Variants in MTSS1 observed in about 807,000 individuals in gnomAD.
MTSS1 encodes MTSS I-BAR domain containing 1.
MTSS1 carries 18 observed loss-of-function variants against 79.0 expected under a neutral mutation model. The ratio of observed to expected loss-of-function variants is 0.23; its 90% CI spans 0.16 to 0.34. The LOEUF (loss-of-function observed/expected upper bound fraction) is 0.34. Ranked by LOEUF, MTSS1 falls within the 10% of genes least tolerant of loss-of-function variation. The pLI is 1.00. For synonymous variants in MTSS1, 341 were observed against 368.6 expected (o/e 0.93, Z 0.86); for missense variants, 815 against 986.2 (o/e 0.83, Z 2.33).
At chr8:124,708,082 C>T (rs578232631) in intron 1 of MTSS1, among the ~76,000 whole-genome samples, 3 of 152,234 alleles carry the variant, frequency 2.0e-5, no homozygotes, top group Non-Finnish European at 4.4e-5. Context: ...TTACCAATAC[C>T]ATCAATTATT....
At chr8:124,680,428 G>T (rs760228439) in intron 3 of MTSS1, among the ~76,000 whole-genome samples, 3 of 152,210 alleles carry the variant, frequency 2.0e-5, no homozygotes, top group African/African-American at 7.2e-5. Flanking sequence ...GCTAACAGTG[G>T]CTAAGAAGGA....
intron 3 of MTSS1, among the ~76,000 whole-genome samples, chr8:124,645,780 A>C (rs1818897706): frequency 1.3e-5 from 2 of 152,208 alleles, no homozygotes; most frequent in Non-Finnish European, 2.9e-5. Flanking sequence ...TGAGTACTCT[A>C]AGCTGTTAAT....
At chr8:124,693,724 C>T (rs887006036) in intron 3 of MTSS1, among the ~76,000 whole-genome samples, 2 of 152,210 alleles carry the variant, frequency 1.3e-5, no homozygotes, top group Non-Finnish European at 2.9e-5. Context: ...GTAATTTTCC[C>T]TTTTCTCTTC....
chr8:124,558,137 C>A, intron 10 of MTSS1: 2 of 404,076 alleles, frequency 4.9e-6, no homozygotes, highest in Non-Finnish European at 8.8e-6. Flanking sequence ...TTGATCAGTG[C>A]CCTCAATTTG....
chr8:124,651,340 C>A (rs1819922761), intron 3 of MTSS1, among the ~76,000 whole-genome samples: 1 of 152,096 alleles, frequency 6.6e-6, no homozygotes, highest in Non-Finnish European at 1.5e-5. Flanking sequence ...TTGAGCGTGA[C>A]ATGCCGTGTG....
intron 6 of MTSS1, among the ~76,000 whole-genome samples, chr8:124,579,172 T>C (rs1829561896): frequency 6.6e-6 from 1 of 152,212 alleles, no homozygotes; most frequent in Non-Finnish European, 1.5e-5. Flanking sequence ...AATAAAATGC[T>C]CTATTTACTC....
chr8:124,591,732 T>C (rs1831916091), intron 3 of MTSS1, among the ~76,000 whole-genome samples: 1 of 152,204 alleles, frequency 6.6e-6, no homozygotes, highest in Admixed American at 6.5e-5. Context: ...ACAAATGTTC[T>C]AGAATACAAG....
intron 3 of MTSS1, among the ~76,000 whole-genome samples, chr8:124,611,119 A>G (rs1053593349): frequency 1.7e-4 from 15 of 88,054 alleles, no homozygotes; most frequent in African/African-American, 8.0e-4. Flanking sequence ...CCCCCCCCCC[A>G]GCATGTGACT....
chr8:124,625,682 C>G (rs945678504), intron 3 of MTSS1, among the ~76,000 whole-genome samples: 1 of 152,208 alleles, frequency 6.6e-6, no homozygotes, highest in Non-Finnish European at 1.5e-5. Context: ...AAAACTGCAG[C>G]TTTGAGAATT....
At chr8:124,584,581 G>C (rs1362869617) in intron 6 of MTSS1, among the ~76,000 whole-genome samples, 1 of 152,158 alleles carries the variant, frequency 6.6e-6, no homozygotes, top group Non-Finnish European at 1.5e-5. Flanking sequence ...GTGCTCAGTG[G>C]TAGATTATCA....
intron 2 of MTSS1, among the ~76,000 whole-genome samples, chr8:124,703,096 G>A (rs1047606021): frequency 6.6e-6 from 1 of 151,906 alleles, no homozygotes; most frequent in African/African-American, 2.4e-5. Context: ...ATTTGGAGTT[G>A]CACAATCATC....
chr8:124,680,274 T>C (rs1825921603), intron 3 of MTSS1, among the ~76,000 whole-genome samples: 1 of 152,144 alleles, frequency 6.6e-6, no homozygotes, highest in African/African-American at 2.4e-5. Flanking sequence ...AGGAATTAGA[T>C]ATTGAGAAAA....
At chr8:124,643,885 A>G (rs112121124) in intron 3 of MTSS1, among the ~76,000 whole-genome samples, 1,738 of 152,226 alleles carry the variant, frequency 0.011, 15 homozygotes, top group Admixed American at 0.017. Context: ...ATGTTGTCAG[A>G]GAATTGTTTG....
chr8:124,584,832 A>C (rs1830581051), intron 6 of MTSS1, among the ~76,000 whole-genome samples: 1 of 152,236 alleles, frequency 6.6e-6, no homozygotes, highest in Non-Finnish European at 1.5e-5. Context: ...TACGAAGCAC[A>C]ATAGGCATGG....
intron 3 of MTSS1, among the ~76,000 whole-genome samples, chr8:124,640,248 G>A (rs1373995029): frequency 2.6e-5 from 4 of 152,160 alleles, no homozygotes; most frequent in Admixed American, 1.3e-4. Flanking sequence ...CTGGTTCTAC[G>A]GAAGAGCTGC....
chr8:124,568,035 A>C, intron 7 of MTSS1: 2 of 1,130,676 alleles, frequency 1.8e-6, no homozygotes, highest in East Asian at 2.8e-5. Flanking sequence ...CCCCACCCCC[A>C]GAGGTTTGGA....
In MTSS1 at chr8:124,727,162, T is replaced by C. The variant is rs1376242164; in HGVS notation, c.72+722A>G. ...AACCCTTCCAAGAGAAAACCTAGAG[T>C]GTGTGTCCGTTTGGGTCTGGGAGGG... On this transcript the variant is annotated intron_variant, in intron 1 of 13. Transcript: ENST00000518547. This position sits in a 1 kb window ranked among gnomAD's most constrained non-coding sequence, Gnocchi z 4.7. Among the ~76,000 whole-genome samples the C allele has an allele frequency of 1.3e-5, 2 of 151,516 alleles. No homozygotes were observed. The highest frequency in any genetic ancestry group is 1.3e-4 in the Admixed American group (2 of 15,244).
At chr8:124,605,586 T>TCGCG (rs879608604) in intron 3 of MTSS1, among the ~76,000 whole-genome samples, 30 of 144,688 alleles carry the variant, frequency 2.1e-4, no homozygotes, top group African/African-American at 7.7e-4. Context: ...CTCCCTGCCC[T>TCGCG]CTCGCTGCCT....
chr8:124,681,750 T>G (rs1826164320), intron 3 of MTSS1, among the ~76,000 whole-genome samples: 1 of 152,160 alleles, frequency 6.6e-6, no homozygotes, highest in South Asian at 2.1e-4. Context: ...ATCATGCCAT[T>G]GCACTCCAGC....
Sources: gnomAD v4.1 joint callset for allele counts (sites outside exome capture counted in the v4.1 genomes callset) on GRCh38, gnomAD v4.1.1 for gene constraint, Gnocchi (gnomAD v3.1) non-coding constraint, MANE v1.5 for transcripts, NCBI Gene and HGNC (gene_info 2026-07-23, HGNC 2026-07-21) for gene names.